The following TBC1D24 variants were observed in gnomAD, a reference collection of about 807,000 sequenced individuals.
The protein encoded by TBC1D24 is Infantile myoclonic epilepsy.
A neutral mutation model predicts 50.7 loss-of-function variants in TBC1D24; 47 were observed. The ratio of observed to expected loss-of-function variants is 0.93; its 90% CI spans 0.73 to 1.18. TBC1D24 has a LOEUF of 1.18. Among genes scored for constraint, TBC1D24 ranks in the 50% most tolerant of loss-of-function variants. TBC1D24 has a pLI of 0.00. For synonymous variants in TBC1D24, 324 were observed against 335.2 expected, an observed-to-expected ratio of 0.97 and a Z score of 0.36; for missense variants, 688 against 766.5, an observed-to-expected ratio of 0.90 and a Z score of 1.21.
In TBC1D24 at chr16:2,501,166, G is replaced by A. The variant is rs1201965032; in HGVS notation, c.*208G>A. 2 of 642,188 alleles carry A rather than the reference G, an allele frequency of 3.1e-6. No individual in the cohort carries two copies. Among genetic ancestry groups the A allele is most frequent in the Non-Finnish European group, 2.7e-6 (1 of 373,480 alleles). The allele number at this position is 642,188 out of a possible 1,614,324, so 39.8% of individuals were successfully genotyped here. ...GCTTCCCCAGTCCACCTGCATCTGG[G>A]TCAGAGCTGGAGGGCCTGCTGTGCC... On this transcript the variant is annotated 3_prime_UTR_variant, in exon 8 of 8. Transcript: ENST00000646147.
In TBC1D24 at chr16:2,499,976, C is replaced by G. The variant is rs368771781; in HGVS notation, c.1302+46C>G. The G allele has an allele frequency of 1.3e-6, 2 of 1,559,624 alleles. No individual in the cohort carries two copies. Among genetic ancestry groups the G allele is most frequent in the African/African-American group, 2.7e-5 (2 of 73,356 alleles). ...CCAAACCCCCACGCAGACCCTGTAG[C>G]TGCATCCCTCCAGGAGCACCCGCCT... On this transcript the variant is annotated intron_variant, in intron 6 of 7. Coordinates refer to ENST00000646147, the MANE Select transcript of TBC1D24 (RefSeq NM_001199107.2). This position sits in a 1 kb window ranked among gnomAD's most constrained non-coding sequence, Gnocchi z 4.0.
At position 2,500,342 on chromosome 16, in the gene TBC1D24, G is replaced by A. The variant is rs1596972746; in HGVS notation, c.1377G>A (p.Met459Ile). 1 of 1,611,018 alleles carries A rather than the reference G, an allele frequency of 6.2e-7. No individual in the cohort carries two copies. Among genetic ancestry groups the A allele is most frequent in the East Asian group, 2.2e-5 (1 of 44,794 alleles). Residue 459 changes from methionine to isoleucine, a missense_variant, in exon 7 of 8, where the codon ATG (methionine) becomes ATA (isoleucine). Coordinates refer to ENST00000646147, the MANE Select transcript of TBC1D24 (RefSeq NM_001199107.2). This position sits in a 1 kb window ranked among gnomAD's most constrained non-coding sequence, Gnocchi z 8.0. ...AGCTGACCAAGCCCCCACCCTTGATGGCTGCCGAGCCCACCGCCCCACTCA... is the reference window on the plus strand; with the variant it reads ...AGCTGACCAAGCCCCCACCCTTGATAGCTGCCGAGCCCACCGCCCCACTCA... ...HPELTKPPPL[M>I]AAEPTAPLSH... is the part of the protein sequence containing the mutation.
At position 2,486,258 on chromosome 16, in the gene TBC1D24, G is replaced by T. The variant is rs553798338; in HGVS notation, c.-115-9776G>T. 1.3e-5 allele frequency among the ~76,000 whole-genome samples: 2 copies of T among 152,196 alleles called. No individual in the cohort carries two copies. Among genetic ancestry groups the T allele is most frequent in the Non-Finnish European group, 2.9e-5 (2 of 68,022 alleles). ...GGGGCCACAGCACCTCCTTCCTGTG[G>T]TCCCTAGCTGCGGGCGTTGGCGTTC... On this transcript the variant is annotated intron_variant, in intron 1 of 7. Transcript: ENST00000646147. The surrounding 1 kb of genome is among the most constrained non-coding windows in gnomAD (Gnocchi z 5.8).
intron 1 of TBC1D24, among the ~76,000 whole-genome samples, chr16:2,492,314 C>T (rs115461703): frequency 0.026 from 3,915 of 152,194 alleles, 160 homozygotes; most frequent in African/African-American, 0.089. Flanking sequence ...AGCACGTCGC[C>T]GGACCATTCG....
At chr16:2,498,113 C>G in intron 3 of TBC1D24, 125 bp from the exon 4 acceptor site, 1 of 1,304,964 alleles carries the variant, frequency 7.7e-7, no homozygotes, top group Middle Eastern at 2.6e-4. Context: ...TAAACCGGGG[C>G]CGGGGCAAGC....
rs1020610543 is a variant in TBC1D24, at chr16:2,503,065, C to G, written c.*2107C>G. The G allele has an allele frequency of 1.3e-5, 2 of 152,234 alleles. No homozygotes were observed. The highest frequency in any genetic ancestry group is 4.8e-5 in the African/African-American group (2 of 41,456). The allele number at this position is 152,234 out of a possible 1,614,324, so 9.4% of individuals were successfully genotyped here. On this transcript the variant is annotated 3_prime_UTR_variant, in exon 8 of 8. Transcript: ENST00000646147. ...TGGACCATTTGTAGGTTTCCCTCTG[C>G]AAACTTCCTGAACTGGGTGGTGATT...
rs2065755770 is a variant in TBC1D24, at chr16:2,497,723, A to G, written c.979A>G (p.Lys327Glu). 2 of 1,535,874 alleles carry G rather than the reference A, an allele frequency of 1.3e-6. No homozygotes were observed. The highest frequency in any genetic ancestry group is 3.9e-5 in the Admixed American group (2 of 50,982). Reference protein sequence around the residue: ...TVKQKSVSLSKRQFVHLAVHA... With the variant: ...TVKQKSVSLSERQFVHLAVHA... ...CCTGTTTTTCAGTGTGTCACTTTCT[A>G]AAAGGTAGGTCTGAAACTGTATCTG... is the stretch of plus-strand genomic sequence containing the variant. The change falls in exon 3 of 8, where the codon AAA becomes GAA. Residue 327 changes from lysine (K) to glutamate (E), a missense_variant. Physicochemically the swap from Lys to Glu is moderately conservative, Grantham distance 56. Coordinates refer to ENST00000646147, the MANE Select transcript of TBC1D24 (RefSeq NM_001199107.2).
rs1253783069 is a variant in TBC1D24 at position 2,503,701 on chromosome 16, A to C, written c.*2743A>C. 2 of 151,874 alleles carry C rather than the reference A, an allele frequency of 1.3e-5. No homozygotes were observed. Among genetic ancestry groups the C allele is most frequent in the Non-Finnish European group, 2.9e-5 (2 of 68,006 alleles). The allele number at this position is 151,874 out of a possible 1,614,324, so 9.4% of individuals were successfully genotyped here. On this transcript the variant is annotated 3_prime_UTR_variant, in exon 8 of 8. Coordinates refer to ENST00000646147, the MANE Select transcript of TBC1D24 (RefSeq NM_001199107.2). ...CTCCTGAGTAGCTGGGATTACAGGC[A>C]TACGCCACCACGCCCAGCTAAATTT...
chr16:2,496,935 G>C lies in TBC1D24; in HGVS notation c.787G>C (p.Asp263His), dbSNP rs2065747955. The C allele has an allele frequency of 6.2e-7, 1 of 1,614,066 alleles. No homozygotes were observed. Among genetic ancestry groups the C allele is most frequent in the Non-Finnish European group, 8.5e-7 (1 of 1,180,056 alleles). ...KVRAGQPLES[D>H]SVKQDIRTFV... The stretch of plus-strand genomic sequence containing the variant: ...GAGGGCCGGGCAGCCGCTGGAGTCG[G>C]ACAGCGTGAAGCAGGACATCCGCAC... Residue 263 changes from aspartate to histidine, a missense_variant, in exon 2 of 8, where the codon GAC becomes CAC. By Grantham distance (81) the Asp-to-His change is moderately conservative. Coordinates refer to ENST00000646147, the MANE Select transcript of TBC1D24 (RefSeq NM_001199107.2).
chr16:2,488,705 T>C (rs561689607), intron 1 of TBC1D24, among the ~76,000 whole-genome samples: 1 of 149,736 alleles, frequency 6.7e-6, no homozygotes, highest in African/African-American at 2.4e-5. Flanking sequence ...AAATGGGGTT[T>C]CACCATGTTA....
Position 2,500,685 on chromosome 16 carries a change from A to G in TBC1D24, c.1526-119A>G, listed in dbSNP as rs550753475. Reference sequence around the variant, plus strand: ...CTGGTCCTGGGGGCTATGGAGGGTCAACGGTCTGTGCGGTTTCAGAGAGGC... The same window carrying G: ...CTGGTCCTGGGGGCTATGGAGGGTCGACGGTCTGTGCGGTTTCAGAGAGGC... On this transcript the variant is annotated intron_variant, in intron 7 of 7. Transcript: ENST00000646147. This position sits in a 1 kb window ranked among gnomAD's most constrained non-coding sequence, Gnocchi z 8.0. 237 of 1,419,764 alleles carry G rather than the reference A, an allele frequency of 1.7e-4. No individual in the cohort carries two copies. The African/African-American group carries it at 3.1e-3, about 18-fold the overall frequency. 87.9% of individuals were successfully genotyped at this position (1,419,764 alleles called of 1,614,324 possible).
rs2065640342 is a variant in TBC1D24, at chr16:2,485,261, CCCCA to C, written c.-116+10095_-116+10098del. 6.6e-6 allele frequency: 1 copy of C among 152,132 alleles called. No individual in the cohort carries two copies. Among genetic ancestry groups the C allele is most frequent in the Admixed American group, 6.6e-5 (1 of 15,254 alleles). 9.4% of individuals were successfully genotyped at this position (152,132 alleles called of 1,614,324 possible). A position where few individuals can be genotyped will look rare whatever the true frequency, so the allele number is the denominator to read the frequency against. ...AGGATTAGCGGGTTAGAACTTTCAG[CCCCA>C]CCCCCAACCGCGGGGAGGGGAGAGG... On this transcript the variant is annotated intron_variant, in intron 1 of 7. Transcript: ENST00000646147. This position sits in a 1 kb window ranked among gnomAD's most constrained non-coding sequence, Gnocchi z 4.6.
rs762576413 is a variant in TBC1D24 at position 2,496,955 on chromosome 16, C to T, written c.807C>T (p.Ile269=). ...PLESDSVKQD[I]RTFVRDIAKT... is the part of the protein sequence containing the mutation. ...AGTCGGACAGCGTGAAGCAGGACAT[C>T]CGCACGTTCGTCAGAGACATCGCGA... The change falls in exon 2 of 8, where the codon ATC becomes ATT. Residue 269 remains isoleucine, a synonymous_variant. Coordinates refer to ENST00000646147, the MANE Select transcript of TBC1D24 (RefSeq NM_001199107.2). The T allele has an allele frequency of 1.9e-6, 3 of 1,614,004 alleles. No individual in the cohort carries two copies. The highest frequency in any genetic ancestry group is 2.5e-6 in the Non-Finnish European group (3 of 1,180,042).
chr16:2,489,718 C>T (rs1301932256), intron 1 of TBC1D24, among the ~76,000 whole-genome samples: 4 of 152,178 alleles, frequency 2.6e-5, no homozygotes, highest in Admixed American at 6.5e-5. Flanking sequence ...CGTGTTGACC[C>T]GCTGGGACCG....
chr16:2,495,287 G>A (rs2065727873), intron 1 of TBC1D24, among the ~76,000 whole-genome samples: 1 of 152,098 alleles, frequency 6.6e-6, no homozygotes, highest in African/African-American at 2.4e-5. Context: ...GGCAGAAGTT[G>A]CAGTGTGCCG....
rs752046929 is a variant in TBC1D24, at chr16:2,482,087, G to A, written c.-116+6917G>A. The A allele has an allele frequency of 2.6e-5, 4 of 152,270 alleles. No individual in the cohort carries two copies. The highest frequency in any genetic ancestry group is 5.9e-5 in the Non-Finnish European group (4 of 68,044). 9.4% of individuals were successfully genotyped at this position (152,270 alleles called of 1,614,324 possible). Reference sequence around the variant, plus strand: ...ACCTTCCTGTTATGTGAAGATGCCTGCAGGAAAGGTCACACCTAGGGTGGG... The same window carrying A: ...ACCTTCCTGTTATGTGAAGATGCCTACAGGAAAGGTCACACCTAGGGTGGG... On this transcript the variant is annotated intron_variant, in intron 1 of 7. Coordinates refer to ENST00000646147, the MANE Select transcript of TBC1D24 (RefSeq NM_001199107.2). The surrounding 1 kb of genome is among the most constrained non-coding windows in gnomAD (Gnocchi z 5.2).
intron 1 of TBC1D24, chr16:2,480,340 AG>A (rs1260722675): frequency 4.6e-5 from 7 of 152,022 alleles, no homozygotes; most frequent in Non-Finnish European, 1.0e-4. Context: ...TATGTTGCCC[AG>A]GCTGGTCTTG....
chr16:2,496,832 C>T lies in TBC1D24; in HGVS notation c.684C>T (p.Val228=), dbSNP rs1273328184. The change falls in exon 2 of 8, where the codon GTC becomes GTT. Residue 228 remains valine, a synonymous_variant. Coordinates refer to ENST00000646147, the MANE Select transcript of TBC1D24 (RefSeq NM_001199107.2). ...TGCCCCTCTGCTACTTCGCCCGGGT[C>T]TTTGACGTCTTCCTGGTGGAGGGCT... ...GELPLCYFAR[V]FDVFLVEGYK... 2 of 1,614,118 alleles carry T rather than the reference C, an allele frequency of 1.2e-6. No homozygotes were observed. Among genetic ancestry groups the T allele is most frequent in the Non-Finnish European group, 8.5e-7 (1 of 1,180,048 alleles).
chr16:2,488,408 G>A (rs1234086711), intron 1 of TBC1D24, among the ~76,000 whole-genome samples: 5 of 152,050 alleles, frequency 3.3e-5, no homozygotes, highest in African/African-American at 1.2e-4. Flanking sequence ...CAGAGGGCAC[G>A]GTGGTCACAT....
Sources: allele counts gnomAD v4.1 joint callset (sites outside exome capture counted in the v4.1 genomes callset), GRCh38; gene constraint gnomAD v4.1.1; non-coding constraint Gnocchi (gnomAD v3.1); transcripts MANE v1.5; gene names NCBI Gene and HGNC (gene_info 2026-07-23, HGNC 2026-07-21).